The following LYPD6B variants were observed in gnomAD, a reference collection of about 807,000 sequenced individuals.
The protein encoded by LYPD6B is ly6/PLAUR domain-containing protein 6B.
Under a neutral mutation model 22.8 loss-of-function variants are expected in LYPD6B, and 17 were observed. That is an observed-to-expected ratio of 0.75 (90% CI 0.51 to 1.12). The LOEUF is 1.12. Ranked by LOEUF, LYPD6B falls within the 50% of genes most tolerant of loss-of-function variation. The pLI is 0.00. For synonymous variants in LYPD6B, 106 were observed against 91.6 expected (o/e 1.16, Z -0.90); for missense variants, 221 against 258.3 (o/e 0.86, Z 0.99).
chr2:149,198,183 C>T (rs1264994752), intron 3 of LYPD6B, among the ~76,000 whole-genome samples: 4 of 152,056 alleles, frequency 2.6e-5, no homozygotes, highest in East Asian at 1.9e-4. Flanking sequence ...GCTGGGATTA[C>T]AGGCACGTGC....
At chr2:149,202,794 C>A (rs1441509813) in intron 3 of LYPD6B, among the ~76,000 whole-genome samples, 1 of 152,128 alleles carries the variant, frequency 6.6e-6, no homozygotes, top group African/African-American at 2.4e-5. Context: ...CTTGTGATAC[C>A]AAACTGGGGA....
intron 3 of LYPD6B, among the ~76,000 whole-genome samples, chr2:149,164,926 G>A (rs1442027265): frequency 6.6e-6 from 1 of 152,174 alleles, no homozygotes; most frequent in Non-Finnish European, 1.5e-5. Context: ...ATACATAGTG[G>A]CTTAAAACAA....
chr2:149,120,784 C>CTTTTT (rs567231544), intron 1 of LYPD6B, among the ~76,000 whole-genome samples: 6,552 of 95,346 alleles, frequency 0.069, 1,030 homozygotes, highest in African/African-American at 0.19. Flanking sequence ...GCTACAAAGT[C>CTTTTT]TTTTTTTTTT....
At chr2:149,109,355 T>C (rs1686647134) in intron 1 of LYPD6B, among the ~76,000 whole-genome samples, 1 of 152,202 alleles carries the variant, frequency 6.6e-6, no homozygotes. Flanking sequence ...TCTTCTTGCT[T>C]GCATTGTTTC....
intron 2 of LYPD6B, among the ~76,000 whole-genome samples, chr2:149,132,875 A>G (rs897679425): frequency 3.3e-5 from 5 of 152,180 alleles, no homozygotes; most frequent in Non-Finnish European, 7.4e-5. Flanking sequence ...AACTGATGCT[A>G]TTATTTATTT....
chr2:149,046,582 G>C (rs1197428679), intron 1 of LYPD6B, among the ~76,000 whole-genome samples: 2 of 151,662 alleles, frequency 1.3e-5, no homozygotes, highest in Non-Finnish European at 2.9e-5. Context: ...GCGCAATCTT[G>C]GCTTACTGTA....
intron 1 of LYPD6B, among the ~76,000 whole-genome samples, chr2:149,093,464 T>C (rs1461274871): frequency 6.6e-6 from 1 of 152,182 alleles, no homozygotes. Flanking sequence ...GTAAGAGTAG[T>C]CTACTGTCCA....
intron 3 of LYPD6B, among the ~76,000 whole-genome samples, chr2:149,173,357 T>TTTTG (rs1210190678): frequency 9.4e-5 from 14 of 148,150 alleles, no homozygotes; most frequent in African/African-American, 3.2e-4. Flanking sequence ...GCCTTTTTTT[T>TTTTG]TTTTTTTTTT....
chr2:149,191,082 A>AC, intron 3 of LYPD6B, among the ~76,000 whole-genome samples: 1 of 152,152 alleles, frequency 6.6e-6, no homozygotes, highest in Non-Finnish European at 1.5e-5. Flanking sequence ...GACCCCAGCT[A>AC]CCCATCATTC....
At chr2:149,061,647 G>A (rs1187212902) in intron 1 of LYPD6B, among the ~76,000 whole-genome samples, 2 of 152,042 alleles carry the variant, frequency 1.3e-5, no homozygotes, top group African/African-American at 4.8e-5. Context: ...GTGATGGAAG[G>A]AGTCAAATAC....
chr2:149,063,773 G>A (rs1008348601), intron 1 of LYPD6B, among the ~76,000 whole-genome samples: 2 of 152,142 alleles, frequency 1.3e-5, no homozygotes, highest in East Asian at 1.9e-4. Flanking sequence ...AAAAGTAGCC[G>A]GAAACATAAT....
At chr2:149,182,358 C>T (rs1386605754) in intron 3 of LYPD6B, among the ~76,000 whole-genome samples, 3 of 152,250 alleles carry the variant, frequency 2.0e-5, no homozygotes, top group South Asian at 2.1e-4. Context: ...CCACACAATA[C>T]GTACTTCGTA....
At chr2:149,208,836 C>A (rs1294046633) in intron 5 of LYPD6B, among the ~76,000 whole-genome samples, 1 of 152,160 alleles carries the variant, frequency 6.6e-6, no homozygotes, top group Non-Finnish European at 1.5e-5. Context: ...TAATCCAGTG[C>A]CTGGCCCATG....
chr2:149,066,312 G>C (rs1056925699), intron 1 of LYPD6B, among the ~76,000 whole-genome samples: 2 of 151,954 alleles, frequency 1.3e-5, no homozygotes, highest in African/African-American at 4.8e-5. Context: ...ATCTCCTAAT[G>C]CTATCCCTCC....
chr2:149,184,310 G>A (rs183553815), intron 3 of LYPD6B, among the ~76,000 whole-genome samples: 17 of 152,272 alleles, frequency 1.1e-4, no homozygotes, highest in African/African-American at 4.1e-4. Context: ...TTACTTACAT[G>A]TAAGGAAGCC....
At chr2:149,141,317 C>T (rs974147794) in intron 2 of LYPD6B, among the ~76,000 whole-genome samples, 8 of 152,102 alleles carry the variant, frequency 5.3e-5, no homozygotes, top group Non-Finnish European at 1.2e-4. Context: ...CTTGGTGCAT[C>T]CGCGTGGAGT....
intron 1 of LYPD6B, among the ~76,000 whole-genome samples, chr2:149,052,624 G>A (rs535815915): frequency 2.0e-5 from 3 of 152,284 alleles, no homozygotes; most frequent in Non-Finnish European, 4.4e-5. Context: ...CCACAGCTCG[G>A]TGGGTGCAGA....
chr2:149,124,607 G>A (rs1240239868), intron 1 of LYPD6B, among the ~76,000 whole-genome samples: 1 of 152,136 alleles, frequency 6.6e-6, no homozygotes, highest in East Asian at 1.9e-4. Context: ...ACTATTAGCC[G>A]TTATTGCCAC....
chr2:149,143,513 CAAAA>C (rs201618713), intron 2 of LYPD6B, among the ~76,000 whole-genome samples: 34,951 of 129,636 alleles, frequency 0.27, 5,032 homozygotes, highest in East Asian at 0.56. Context: ...ACATGTGACG[CAAAA>C]AAAAAAAAAA....
Sources: allele counts gnomAD v4.1 joint callset (sites outside exome capture counted in the v4.1 genomes callset), GRCh38; gene constraint gnomAD v4.1.1; transcripts MANE v1.5; gene names NCBI Gene and HGNC (gene_info 2026-07-23, HGNC 2026-07-21).